Variants in POLK observed in about 807,000 individuals in gnomAD.
The protein encoded by POLK is polymerase (DNA directed) kappa.
A neutral mutation model predicts 94.0 loss-of-function variants in POLK; 76 were observed. That is an observed-to-expected ratio of 0.81 (90% CI 0.67 to 0.98). The LOEUF (loss-of-function observed/expected upper bound fraction) is 0.98. POLK is among the 50% of genes least tolerant of loss of function. The pLI, the probability that POLK is intolerant of heterozygous loss-of-function variation, is 0.00. For synonymous variants in POLK, 349 were observed against 325.4 expected (o/e 1.07, Z -0.78); for missense variants, 954 against 1,010.1 (o/e 0.94, Z 0.75).
chr5:75,511,009 G>C (rs911246289), upstream of POLK: 8 of 1,392,300 alleles, frequency 5.7e-6, no homozygotes, highest in Non-Finnish European at 7.5e-6. Flanking sequence ...CTCGCACCCC[G>C]GCACGTTCCG....
chr5:75,595,927 A>T (rs980864911), intron 12 of POLK, among the ~76,000 whole-genome samples: 12 of 152,186 alleles, frequency 7.9e-5, no homozygotes, highest in Non-Finnish European at 1.6e-4. Context: ...AAAAGAGCTA[A>T]AGAGTCTGTA....
intron 1 of POLK, among the ~76,000 whole-genome samples, chr5:75,539,872 G>A (rs879696023): frequency 5.3e-5 from 8 of 152,212 alleles, no homozygotes; most frequent in Non-Finnish European, 8.8e-5. Context: ...GAATACATAT[G>A]AAGAAATTAT....
intron 7 of POLK, chr5:75,581,907 C>T (rs1293636589): frequency 4.2e-6 from 1 of 235,780 alleles, no homozygotes; most frequent in African/African-American, 2.4e-5. Flanking sequence ...TCTCCATATC[C>T]TGACCTCATG....
At chr5:75,566,307 G>A (rs1470941255) in intron 3 of POLK, among the ~76,000 whole-genome samples, 1 of 152,210 alleles carries the variant, frequency 6.6e-6, no homozygotes, top group Non-Finnish European at 1.5e-5. Context: ...TGGGCTCCGT[G>A]GGCGTGGGAT....
exon 13 of POLK, chr5:75,597,134 A>C: frequency 1.2e-6 from 2 of 1,610,502 alleles, no homozygotes; most frequent in Non-Finnish European, 1.7e-6. Flanking sequence ...AGAAAGGATA[A>C]ATTTAACCCA....
downstream of POLK, chr5:75,601,215 AC>A: frequency 6.6e-6 from 1 of 152,290 alleles, no homozygotes; most frequent in East Asian, 1.9e-4. Context: ...AGAAAAAAAT[AC>A]ATTTTTTTCT....
intron 7 of POLK, chr5:75,582,009 C>T: frequency 1.0e-6 from 1 of 985,606 alleles, no homozygotes; most frequent in Non-Finnish European, 1.2e-6. Flanking sequence ...CTTTTTCTAG[C>T]ACAAAATATA....
At chr5:75,512,368 G>A (rs1428388501) in intron 1 of POLK, 1 of 152,218 alleles carries the variant, frequency 6.6e-6, no homozygotes, top group Admixed American at 6.5e-5. Flanking sequence ...GGTTGTCAGA[G>A]AATAAATGAC....
intron 1 of POLK, among the ~76,000 whole-genome samples, chr5:75,520,256 G>C (rs2112532954): frequency 1.3e-5 from 2 of 152,210 alleles, no homozygotes; most frequent in Middle Eastern, 6.8e-3. Flanking sequence ...TCTCTTAACA[G>C]GTTGCTGTAG....
intron 3 of POLK, among the ~76,000 whole-genome samples, chr5:75,565,748 T>C (rs770544526): frequency 1.8e-4 from 28 of 152,218 alleles, no homozygotes; most frequent in Admixed American, 7.2e-4. Flanking sequence ...TTCCTTCCTC[T>C]GGAAGCTTCA....
At chr5:75,581,000 A>G (rs1258962258) in intron 6 of POLK, among the ~76,000 whole-genome samples, 2 of 152,058 alleles carry the variant, frequency 1.3e-5, no homozygotes, top group Admixed American at 6.6e-5. Flanking sequence ...AATGGATAAT[A>G]GTCTTTTTAA....
intron 1 of POLK, among the ~76,000 whole-genome samples, chr5:75,525,034 T>C (rs1487549321): frequency 6.6e-6 from 1 of 152,188 alleles, no homozygotes; most frequent in East Asian, 1.9e-4. Context: ...ATTTGCCTGC[T>C]AAAACAAAAA....
chr5:75,516,889 A>G (rs1192791486), intron 1 of POLK, among the ~76,000 whole-genome samples: 2 of 152,208 alleles, frequency 1.3e-5, no homozygotes, highest in Non-Finnish European at 1.5e-5. Context: ...AGCACCATTT[A>G]TTGAAGAGAC....
intron 11 of POLK, among the ~76,000 whole-genome samples, 198 bp from the exon 12 acceptor site, chr5:75,593,680 C>CA (rs1335224061): frequency 2.0e-5 from 3 of 151,668 alleles, no homozygotes; most frequent in Non-Finnish European, 4.4e-5. Flanking sequence ...TCTGATTCTA[C>CA]AAAAAAATAA....
chr5:75,549,964 A>T (rs554123627), intron 2 of POLK, among the ~76,000 whole-genome samples: 2 of 152,316 alleles, frequency 1.3e-5, no homozygotes, highest in African/African-American at 4.8e-5. Context: ...GACCTATATA[A>T]TAAGGAAATA....
chr5:75,511,782 G>T (rs778072737), exon 1 of POLK: 18 of 1,551,406 alleles, frequency 1.2e-5, no homozygotes, highest in Non-Finnish European at 1.3e-5. Context: ...GGGTGACGAC[G>T]GGTAGAAAAG....
chr5:75,596,350 G>C (rs541607292), exon 13 of POLK: 1 of 1,613,168 alleles, frequency 6.2e-7, no homozygotes. Context: ...AACTGACAAA[G>C]ATAAGTTTGT....
chr5:75,559,471 T>C (rs1770833776), intron 3 of POLK, among the ~76,000 whole-genome samples: 1 of 151,928 alleles, frequency 6.6e-6, no homozygotes, highest in African/African-American at 2.4e-5. Context: ...TCAGTGCATT[T>C]TGACCATTTT....
chr5:75,583,361 A>G (rs778067363), exon 8 of POLK: 1 of 1,605,646 alleles, frequency 6.2e-7, no homozygotes, highest in Non-Finnish European at 8.5e-7. Flanking sequence ...ACAATACCAA[A>G]TTCTTCCCAA....
Sources: allele counts gnomAD v4.1 joint callset (sites outside exome capture counted in the v4.1 genomes callset), GRCh38; gene constraint gnomAD v4.1.1; transcripts MANE v1.5; gene names NCBI Gene and HGNC (gene_info 2026-07-23, HGNC 2026-07-21).